ADAMTS12: variants seen among roughly 807,000 people sequenced by gnomAD.
The protein encoded by ADAMTS12 is ADAM metallopeptidase with thrombospondin type 1 motif 12, also known as A disintegrin and metalloproteinase with thrombospondin motifs 12.
In ADAMTS12, 118 loss-of-function variants were observed where a neutral mutation model predicts 167.8. That is an observed-to-expected ratio of 0.70 (90% CI 0.61 to 0.82). The LOEUF is 0.82. Among genes scored for constraint, ADAMTS12 ranks in the 40% least tolerant of loss-of-function variants. The pLI, the probability that ADAMTS12 is intolerant of heterozygous loss-of-function variation, is 0.00. For missense variants in ADAMTS12, 1,916 were observed against 1,998.8 expected (o/e 0.96, Z 0.79); for synonymous variants, 704 against 716.9 (o/e 0.98, Z 0.29).
intron 9 of ADAMTS12, among the ~76,000 whole-genome samples, chr5:33,647,618 C>G (rs184251215): frequency 1.1e-3 from 161 of 152,286 alleles, no homozygotes; most frequent in Non-Finnish European, 1.8e-3. Context: ...GTAATCCCAG[C>G]TACTTGGGAG....
At chr5:33,781,782 G>C (rs1174903516) in intron 2 of ADAMTS12, among the ~76,000 whole-genome samples, 2 of 151,762 alleles carry the variant, frequency 1.3e-5, no homozygotes, top group Non-Finnish European at 2.9e-5. Flanking sequence ...TGCCATGCTG[G>C]TGTGCTGCAC....
At chr5:33,715,645 C>T (rs190858933) in intron 3 of ADAMTS12, among the ~76,000 whole-genome samples, 1 of 152,230 alleles carries the variant, frequency 6.6e-6, no homozygotes, top group African/African-American at 2.4e-5. Context: ...AGATTTACTG[C>T]ACTCTACAAC....
At chr5:33,575,925 C>G (rs1296779707) in intron 19 of ADAMTS12, 129 bp downstream of exon 19, 1 of 1,355,242 alleles carries the variant, frequency 7.4e-7, no homozygotes, top group Non-Finnish European at 9.9e-7. Flanking sequence ...GGGCATGGGT[C>G]TGATTGCTTC....
chr5:33,815,652 G>A (rs1001059199), intron 2 of ADAMTS12, among the ~76,000 whole-genome samples: 2 of 152,208 alleles, frequency 1.3e-5, no homozygotes, highest in African/African-American at 2.4e-5. Flanking sequence ...GGACATCAAC[G>A]TTAAAGATGT....
chr5:33,871,340 A>T (rs968962428), intron 2 of ADAMTS12, among the ~76,000 whole-genome samples: 2 of 152,206 alleles, frequency 1.3e-5, no homozygotes, highest in Non-Finnish European at 2.9e-5. Context: ...ACACTACCCA[A>T]TTCATTTTAT....
At chr5:33,527,794 G>A (rs897354651) in intron 23 of ADAMTS12, among the ~76,000 whole-genome samples, 9 of 152,192 alleles carry the variant, frequency 5.9e-5, no homozygotes, top group Non-Finnish European at 8.8e-5. Flanking sequence ...AACCTGGCTG[G>A]TGCAGCCACC....
intron 2 of ADAMTS12, among the ~76,000 whole-genome samples, chr5:33,839,673 A>G (rs1303939374): frequency 6.6e-6 from 1 of 152,040 alleles, no homozygotes; most frequent in African/African-American, 2.4e-5. Context: ...TTGACTGTCC[A>G]CTTTAAAACT....
chr5:33,828,475 T>C (rs1246428851), intron 2 of ADAMTS12, among the ~76,000 whole-genome samples: 3 of 152,188 alleles, frequency 2.0e-5, no homozygotes, highest in Non-Finnish European at 4.4e-5. Flanking sequence ...AAATGCTTAA[T>C]TTTATATAAT....
intron 2 of ADAMTS12, among the ~76,000 whole-genome samples, chr5:33,792,476 G>A (rs755813190): frequency 6.6e-6 from 1 of 152,172 alleles, no homozygotes; most frequent in Admixed American, 6.5e-5. Context: ...CCTTGACCTC[G>A]TGATAATATC....
Position 33,549,196 on chromosome 5 carries a change from G to T in ADAMTS12, c.4302+11C>A. ...TGTGTGAGGACATCTCTCCCTTTGTGGGGGACCTACCTGGCTCCAAGGCTC... is the reference window on the plus strand; with the variant it reads ...TGTGTGAGGACATCTCTCCCTTTGTTGGGGACCTACCTGGCTCCAAGGCTC... On this transcript the variant is annotated intron_variant, in intron 21 of 23. Transcript: ENST00000504830. The T allele has an allele frequency of 1.2e-6, 2 of 1,610,674 alleles. No homozygotes were observed. The highest frequency in any genetic ancestry group is 1.1e-5 in the South Asian group (1 of 90,948).
At chr5:33,677,231 G>T (rs990643273) in intron 5 of ADAMTS12, among the ~76,000 whole-genome samples, 1 of 152,122 alleles carries the variant, frequency 6.6e-6, no homozygotes, top group South Asian at 2.1e-4. Flanking sequence ...TGATGATGAT[G>T]ATAAAAATAA....
At chr5:33,703,813 C>T (rs542282312) in intron 3 of ADAMTS12, among the ~76,000 whole-genome samples, 1 of 152,122 alleles carries the variant, frequency 6.6e-6, no homozygotes, top group African/African-American at 2.4e-5. Flanking sequence ...GCACTAGGCC[C>T]AAGAAACCAA....
At chr5:33,679,476 G>T (rs553790986) in intron 5 of ADAMTS12, among the ~76,000 whole-genome samples, 1 of 152,200 alleles carries the variant, frequency 6.6e-6, no homozygotes, top group African/African-American at 2.4e-5. Flanking sequence ...AAGCAGAGGG[G>T]GAAGAGCCCC....
chr5:33,586,258 T>C (rs1747346406), intron 18 of ADAMTS12, among the ~76,000 whole-genome samples: 1 of 152,224 alleles, frequency 6.6e-6, no homozygotes, highest in Non-Finnish European at 1.5e-5. Context: ...CAAAGACATT[T>C]CATCATACTC....
At chr5:33,643,654 A>C (rs1740551478) in intron 9 of ADAMTS12, among the ~76,000 whole-genome samples, 184 bp from the exon 10 acceptor site, 1 of 152,222 alleles carries the variant, frequency 6.6e-6, no homozygotes, top group Admixed American at 6.5e-5. Context: ...CTTTGTCATC[A>C]TTCATAAACA....
At chr5:33,597,034 A>G (rs534509381) in intron 16 of ADAMTS12, among the ~76,000 whole-genome samples, 2 of 152,332 alleles carry the variant, frequency 1.3e-5, no homozygotes, top group Admixed American at 6.5e-5. Flanking sequence ...ATTACCTGTT[A>G]TCTATTATGA....
chr5:33,815,582 T>G (rs1419351329), intron 2 of ADAMTS12, among the ~76,000 whole-genome samples: 1 of 152,186 alleles, frequency 6.6e-6, no homozygotes. Context: ...AGTGTTCTAT[T>G]ATAGAAGCCT....
intron 2 of ADAMTS12, among the ~76,000 whole-genome samples, chr5:33,836,687 C>A (rs1748540609): frequency 6.6e-6 from 1 of 152,056 alleles, no homozygotes; most frequent in Admixed American, 6.6e-5. Context: ...GAGAACCCAG[C>A]AGCTCTCGGA....
intron 11 of ADAMTS12, 110 bp from the exon 12 acceptor site, chr5:33,637,856 A>C (rs1691619264): frequency 1.8e-6 from 2 of 1,133,124 alleles, no homozygotes; most frequent in African/African-American, 1.6e-5. Context: ...CTATGCCCTC[A>C]AAACTTACCT....
Sources: gnomAD v4.1 joint callset for allele counts (sites outside exome capture counted in the v4.1 genomes callset) on GRCh38, gnomAD v4.1.1 for gene constraint, MANE v1.5 for transcripts, NCBI Gene and HGNC (gene_info 2026-07-23, HGNC 2026-07-21) for gene names.